Variants in ZSCAN5A observed in about 807,000 individuals in gnomAD.
ZSCAN5A encodes the protein zinc finger and SCAN domain-containing protein 5A.
Under a neutral mutation model 23.7 loss-of-function variants are expected in ZSCAN5A, and 12 were observed. That is an observed-to-expected ratio of 0.51 (90% CI 0.32 to 0.82). The LOEUF (loss-of-function observed/expected upper bound fraction) is 0.82, where lower values mean the gene tolerates loss of function less well. Among genes scored for constraint, ZSCAN5A ranks in the 40% least tolerant of loss-of-function variants. The pLI is 0.03. For missense variants in ZSCAN5A, 597 were observed against 617.9 expected, an observed-to-expected ratio of 0.97 and a Z score of 0.36; for synonymous variants, 257 against 239.9, an observed-to-expected ratio of 1.07 and a Z score of -0.66.
intron 2 of ZSCAN5A, among the ~76,000 whole-genome samples, chr19:56,234,698 C>G (rs921377503): frequency 6.8e-6 from 1 of 146,680 alleles, no homozygotes; most frequent in African/African-American, 2.4e-5. Flanking sequence ...CTCTGACCAC[C>G]GGTGCATGCA....
At chr19:56,329,363 A>AC (rs914789307) in intron 2 of ZSCAN5A, among the ~76,000 whole-genome samples, 2 of 152,086 alleles carry the variant, frequency 1.3e-5, no homozygotes, top group African/African-American at 4.8e-5. Context: ...AACAAAAACA[A>AC]AAACAAACAA....
chr19:56,349,583 T>G (rs565200999), intron 2 of ZSCAN5A, among the ~76,000 whole-genome samples: 10 of 151,654 alleles, frequency 6.6e-5, no homozygotes, highest in African/African-American at 2.2e-4. Context: ...TGGGCGCCTG[T>G]AGTCCCAGCT....
At chr19:56,293,165 G>T (rs2039632096) in intron 2 of ZSCAN5A, among the ~76,000 whole-genome samples, 2 of 152,130 alleles carry the variant, frequency 1.3e-5, no homozygotes, top group Admixed American at 6.5e-5. Flanking sequence ...TTGAAAAATG[G>T]TATCCTGCAG....
intron 2 of ZSCAN5A, among the ~76,000 whole-genome samples, chr19:56,326,672 C>A (rs1159292149): frequency 6.6e-6 from 1 of 152,132 alleles, no homozygotes; most frequent in Non-Finnish European, 1.5e-5. Context: ...GACACCCCCA[C>A]CCACACATGC....
intron 2 of ZSCAN5A, among the ~76,000 whole-genome samples, chr19:56,299,115 T>C (rs1395291421): frequency 6.6e-6 from 1 of 152,142 alleles, no homozygotes; most frequent in African/African-American, 2.4e-5. Flanking sequence ...AAAAAGAATA[T>C]GGTAAGATTT....
chr19:56,302,539 C>CTTT (rs2040350750), intron 2 of ZSCAN5A, among the ~76,000 whole-genome samples: 2 of 102,160 alleles, frequency 2.0e-5, no homozygotes, highest in East Asian at 2.7e-4. Flanking sequence ...CCTCTTCTTC[C>CTTT]TCCCCGTTCC....
intron 2 of ZSCAN5A, among the ~76,000 whole-genome samples, chr19:56,291,324 T>C (rs1376754199): frequency 6.6e-6 from 1 of 152,108 alleles, no homozygotes; most frequent in Non-Finnish European, 1.5e-5. Flanking sequence ...GGAAGATGAA[T>C]CCCCACGGAA....
intron 2 of ZSCAN5A, among the ~76,000 whole-genome samples, chr19:56,354,122 G>A (rs1204133746): frequency 2.0e-5 from 3 of 152,180 alleles, no homozygotes; most frequent in African/African-American, 4.8e-5. Flanking sequence ...TGGTGGTTGC[G>A]AGGAGCTGAT....
intron 2 of ZSCAN5A, among the ~76,000 whole-genome samples, chr19:56,260,473 CAA>C (rs2037048094): frequency 6.6e-6 from 1 of 152,100 alleles, no homozygotes; most frequent in Non-Finnish European, 1.5e-5. Flanking sequence ...CTCGGCCTCC[CAA>C]AGTGCTGGGA....
At chr19:56,287,417 C>T (rs1049000293) in intron 2 of ZSCAN5A, among the ~76,000 whole-genome samples, 1 of 152,200 alleles carries the variant, frequency 6.6e-6, no homozygotes, top group South Asian at 2.1e-4. Context: ...TCTCCTCCCT[C>T]CCACATTGCC....
rs796409140 is a variant in ZSCAN5A at position 56,340,890 on chromosome 19, A to AAGTGAAAAGATCTTCT, written c.-358+22329_-358+22344dup. On this transcript the variant is annotated intron_variant, in intron 2 of 6. Transcript: ENST00000587340. ...AGTCTTCCCTTGCAGGAGAAGAGGGAAGTGAAAAGATCTTCTTGTGAACAG... is the reference window on the plus strand; with the variant it reads ...AGTCTTCCCTTGCAGGAGAAGAGGGAAGTGAAAAGATCTTCTAGTGAAAAGATCTTCTTGTGAACAG... The AAGTGAAAAGATCTTCT allele has an allele frequency of 1.1e-3, 151 of 138,826 alleles. 1 individual carries two copies. Among genetic ancestry groups the AAGTGAAAAGATCTTCT allele is most frequent in the African/African-American group, 4.4e-3 (141 of 32,284 alleles). The allele number at this position is 138,826 out of a possible 1,614,324, so 8.6% of individuals were successfully genotyped here. A position where few individuals can be genotyped will look rare whatever the true frequency, so the allele number is the denominator to read the frequency against.
At chr19:56,222,919 T>G (rs2033437354) in intron 4 of ZSCAN5A, among the ~76,000 whole-genome samples, 178 bp from the exon 5 acceptor site, 1 of 152,166 alleles carries the variant, frequency 6.6e-6, no homozygotes, top group Non-Finnish European at 1.5e-5. Context: ...CTCATTTCTG[T>G]GTCTGTCCCT....
intron 2 of ZSCAN5A, among the ~76,000 whole-genome samples, chr19:56,264,298 A>G (rs2037320486): frequency 6.6e-6 from 1 of 152,112 alleles, no homozygotes; most frequent in Admixed American, 6.6e-5. Flanking sequence ...CCAGCCCAAG[A>G]AAGACTTTTT....
chr19:56,320,784 T>C (rs1170401978), intron 2 of ZSCAN5A: 3 of 901,922 alleles, frequency 3.3e-6, no homozygotes, highest in Middle Eastern at 2.6e-4. Flanking sequence ...ACACTTGCCA[T>C]TGTGGCCACC....
intron 2 of ZSCAN5A, among the ~76,000 whole-genome samples, chr19:56,334,834 A>C (rs1427481486): frequency 6.6e-6 from 1 of 152,234 alleles, no homozygotes; most frequent in African/African-American, 2.4e-5. Context: ...AAGCCCACAA[A>C]GATGAGAAAA....
intron 2 of ZSCAN5A, among the ~76,000 whole-genome samples, chr19:56,290,725 T>C (rs142578224): frequency 1.7e-4 from 26 of 152,262 alleles, no homozygotes; most frequent in African/African-American, 6.3e-4. Context: ...CAGTTTAAAA[T>C]AGTTTTACGA....
intron 2 of ZSCAN5A, among the ~76,000 whole-genome samples, chr19:56,233,021 T>C (rs2034596933): frequency 6.6e-6 from 1 of 152,216 alleles, no homozygotes; most frequent in Admixed American, 6.5e-5. Flanking sequence ...AAAAAAAATG[T>C]TAAACAGAAG....
intron 2 of ZSCAN5A, among the ~76,000 whole-genome samples, chr19:56,247,798 TCTC>T (rs1273765599): frequency 2.0e-5 from 3 of 152,146 alleles, no homozygotes; most frequent in East Asian, 3.9e-4. Flanking sequence ...TTCACATCAT[TCTC>T]CTGCCTCAGC....
chr19:56,276,422 T>A (rs990027420), intron 2 of ZSCAN5A, among the ~76,000 whole-genome samples: 1 of 151,886 alleles, frequency 6.6e-6, no homozygotes, highest in Non-Finnish European at 1.5e-5. Context: ...TTGGCTTATG[T>A]TTAACACCAG....
Sources: allele counts gnomAD v4.1 joint callset (sites outside exome capture counted in the v4.1 genomes callset), GRCh38; gene constraint gnomAD v4.1.1; transcripts MANE v1.5; gene names NCBI Gene and HGNC (gene_info 2026-07-23, HGNC 2026-07-21).